HMGCL: variants seen among roughly 807,000 people sequenced by gnomAD.
HMGCL encodes the protein 3-hydroxy-3-methylglutaryl-CoA lyase, also known as hydroxymethylglutaryl-CoA lyase, mitochondrial.
Under a neutral mutation model 37.3 loss-of-function variants are expected in HMGCL, and 26 were observed. That is an observed-to-expected ratio of 0.70 (90% CI 0.51 to 0.97). HMGCL has a LOEUF of 0.97. Among genes scored for constraint, HMGCL ranks in the 50% least tolerant of loss-of-function variants. HMGCL has a pLI of 0.00. For synonymous variants in HMGCL, 151 were observed against 148.0 expected (o/e 1.02, Z -0.15); for missense variants, 379 against 398.1 (o/e 0.95, Z 0.41).
At chr1:23,824,286 A>G (rs1008252330) in intron 1 of HMGCL, among the ~76,000 whole-genome samples, 1 of 152,204 alleles carries the variant, frequency 6.6e-6, no homozygotes, top group African/African-American at 2.4e-5. Context: ...CACAATTAGA[A>G]AGTGACAGAG....
At chr1:23,821,603 G>A (rs1361097371) in intron 1 of HMGCL, among the ~76,000 whole-genome samples, 1 of 152,088 alleles carries the variant, frequency 6.6e-6, no homozygotes, top group Non-Finnish European at 1.5e-5. Context: ...AGCCTGCAGT[G>A]AGCTATGACT....
chr1:23,804,432 C>T lies in HMGCL; in HGVS notation c.844G>A (p.Val282Ile), dbSNP rs1368891366. 1 of 1,614,094 alleles carries T rather than the reference C, an allele frequency of 6.2e-7. No individual in the cohort carries two copies. The highest frequency in any genetic ancestry group is 8.5e-7 in the Non-Finnish European group (1 of 1,180,040). Residue 282 changes from valine (V) to isoleucine (I), a missense_variant, in exon 8 of 9, where the codon GTC becomes ATC. Val to Ile is a conservative substitution (Grantham distance 29, BLOSUM62 3). Transcript: ENST00000374490. ...ASGNLATEDL[V>I]YMLEGLGIHT... ...ATGCCCAAGCCCTCTAGCATGTAGA[C>T]CAGGTCTTCTGTGGCCAAGTTTCCT...
rs972610168 is a variant in HMGCL, at chr1:23,815,487, CT to C, written c.349-1150del. 1.4e-3 allele frequency among the ~76,000 whole-genome samples: 210 copies of C among 146,286 alleles called. 1 individual carries two copies. Among genetic ancestry groups the C allele is most frequent in the African/African-American group, 4.6e-3 (184 of 40,072 alleles). ...TAAGCCACCCAATTTGTAGTGCTTT[CT>C]TTTTTTTTTTCTTTTTTCTTTTTTT... On this transcript the variant is annotated intron_variant, in intron 4 of 8. Coordinates refer to ENST00000374490, the MANE Select transcript of HMGCL (RefSeq NM_000191.3).
rs1263437671 is a variant in HMGCL at position 23,820,518 on chromosome 1, T to C, written c.136A>G (p.Asn46Asp). ...CTCATTTCCAACTTTACCTTTTCAT[T>C]TTGTAGTCCATCTCGGGGACCAACT... ...VEVGPRDGLQ[N>D]EKNIVSTPVK... is the part of the protein sequence containing the mutation. The change falls in exon 2 of 9, where the codon AAT (asparagine) becomes GAT (aspartate). Residue 46 changes from asparagine (N) to aspartate (D), a missense_variant. Transcript: ENST00000374490. 1 of 1,613,278 alleles carries C rather than the reference T, an allele frequency of 6.2e-7. No homozygotes were observed. The highest frequency in any genetic ancestry group is 8.5e-7 in the Non-Finnish European group (1 of 1,179,186).
chr1:23,802,374 C>T lies in HMGCL; in HGVS notation c.*89G>A, dbSNP rs981013553. ...CTATGAGGTACCTGCACCATTTAAC[C>T]TATTCTCATTTCCATGTCCCCATCC... On this transcript the variant is annotated 3_prime_UTR_variant, in exon 9 of 9. Transcript: ENST00000374490. 2.3e-6 allele frequency: 2 copies of T among 868,858 alleles called. No homozygotes were observed. Among genetic ancestry groups the T allele is most frequent in the Non-Finnish European group, 4.0e-6 (2 of 502,452 alleles). The allele number at this position is 868,858 out of a possible 1,614,324, so 53.8% of individuals were successfully genotyped here.
chr1:23,810,918 C>T (rs1025055652), intron 5 of HMGCL, 119 bp from the exon 6 acceptor site: 125 of 778,320 alleles, frequency 1.6e-4, no homozygotes, highest in African/African-American at 2.4e-4. Flanking sequence ...TGCAGCTGGG[C>T]GGAGTAAGGG....
At chr1:23,809,199 C>G (rs1176994505) in intron 6 of HMGCL, 3 of 145,472 alleles carry the variant, frequency 2.1e-5, no homozygotes, top group Non-Finnish European at 4.5e-5. Context: ...AGCCACCATA[C>G]CCGGCCAATC....
In HMGCL at chr1:23,810,731, C is replaced by T. The variant is rs1638505616; in HGVS notation, c.561+5G>A. 1 of 1,613,680 alleles carries T rather than the reference C, an allele frequency of 6.2e-7. No homozygotes were observed. Among genetic ancestry groups the T allele is most frequent in the African/African-American group, 1.3e-5 (1 of 74,906 alleles). ...CAAACCCCCCGCCCTGACACATGCA[C>T]ACACCTCAGCTACTTTAGCTGGGGA... On this transcript the variant is annotated splice_donor_5th_base_variant and intron_variant, in intron 6 of 8. Coordinates refer to ENST00000374490, the MANE Select transcript of HMGCL (RefSeq NM_000191.3).
intron 4 of HMGCL, among the ~76,000 whole-genome samples, chr1:23,814,598 T>G (rs1035771492): frequency 5.3e-5 from 8 of 152,146 alleles, no homozygotes; most frequent in Non-Finnish European, 7.3e-5. Flanking sequence ...TTCGAACTCC[T>G]GACCTTGTGA....
chr1:23,820,588 G>T lies in HMGCL; in HGVS notation c.66C>A (p.Ser22Arg), dbSNP rs1638701054. The part of the protein sequence containing the change: ...LVGLASLRAV[S>R]TSSMGTLPKR... ...TTGGTAAAGTGCCCATAGATGAGGTGCTGACCTTTGGTTTAAAAGAGGAAA... is the reference window on the plus strand; with the variant it reads ...TTGGTAAAGTGCCCATAGATGAGGTTCTGACCTTTGGTTTAAAAGAGGAAA... Residue 22 changes from serine (S) to arginine (R), a missense_variant, in exon 2 of 9, where the codon AGC becomes AGA. Coordinates refer to ENST00000374490, the MANE Select transcript of HMGCL (RefSeq NM_000191.3). 6.2e-7 allele frequency: 1 copy of T among 1,613,240 alleles called. No individual in the cohort carries two copies. Among genetic ancestry groups the T allele is most frequent in the Admixed American group, 1.7e-5 (1 of 59,994 alleles).
At chr1:23,819,032 A>G (rs866204119) in intron 2 of HMGCL, among the ~76,000 whole-genome samples, 21 of 149,002 alleles carry the variant, frequency 1.4e-4, no homozygotes, top group Admixed American at 3.4e-4. Context: ...AAAAAAAAAA[A>G]AGAGAAAAAG....
At chr1:23,820,431 C>T (rs1011823569) in intron 2 of HMGCL, 79 bp downstream of exon 2, 1 of 977,192 alleles carries the variant, frequency 1.0e-6, no homozygotes, top group Non-Finnish European at 1.7e-6. Flanking sequence ...GCTCTGTCAA[C>T]TGCCATTGCA....
intron 2 of HMGCL, among the ~76,000 whole-genome samples, chr1:23,819,006 TAAAAA>T (rs11371330): frequency 7.0e-5 from 3 of 43,142 alleles, no homozygotes; most frequent in South Asian, 1.4e-3. Flanking sequence ...ATGGACGTGC[TAAAAA>T]AAAAAAAAAA....
intron 5 of HMGCL, among the ~76,000 whole-genome samples, chr1:23,813,424 C>T (rs551128219): frequency 1.3e-5 from 2 of 151,480 alleles, no homozygotes; most frequent in African/African-American, 4.8e-5. Flanking sequence ...TCCACTACCA[C>T]GCCCAGCTAA....
At chr1:23,822,568 C>T (rs1017096231) in intron 1 of HMGCL, among the ~76,000 whole-genome samples, 1 of 152,112 alleles carries the variant, frequency 6.6e-6, no homozygotes, top group African/African-American at 2.4e-5. Context: ...CCAGGAATTC[C>T]CTGCTAGGAA....
At chr1:23,805,326 C>A (rs904425459) in intron 7 of HMGCL, among the ~76,000 whole-genome samples, 1 of 152,202 alleles carries the variant, frequency 6.6e-6, no homozygotes. Context: ...TGCGATCTCT[C>A]CCATCTTTTA....
rs1454049133 is a variant in HMGCL, at chr1:23,823,314, A to C, written c.60+2042T>G. The stretch of plus-strand genomic sequence containing the variant: ...TAATAATTCAGTTTTTAAACACTTA[A>C]TATTTGCCAGGCACATACAAGAGCC... On this transcript the variant is annotated intron_variant, in intron 1 of 8. Coordinates refer to ENST00000374490, the MANE Select transcript of HMGCL (RefSeq NM_000191.3). 4.0e-5 allele frequency among the ~76,000 whole-genome samples: 6 copies of C among 151,864 alleles called. No individual in the cohort carries two copies. In the East Asian group the frequency reaches 1.2e-3, roughly 29 times the overall value.
intron 4 of HMGCL, among the ~76,000 whole-genome samples, chr1:23,814,566 T>C (rs1638580017): frequency 6.6e-6 from 1 of 152,126 alleles, no homozygotes; most frequent in Admixed American, 6.6e-5. Flanking sequence ...AGACAGCGTT[T>C]CACCATGTTG....
chr1:23,824,058 C>G (rs1166870633), intron 1 of HMGCL, among the ~76,000 whole-genome samples: 1 of 152,152 alleles, frequency 6.6e-6, no homozygotes, highest in African/African-American at 2.4e-5. Context: ...CAGTCTTCTC[C>G]TGGTTAAACA....
Sources: gnomAD v4.1 joint callset for allele counts (sites outside exome capture counted in the v4.1 genomes callset) on GRCh38, gnomAD v4.1.1 for gene constraint, MANE v1.5 for transcripts, NCBI Gene and HGNC (gene_info 2026-07-23, HGNC 2026-07-21) for gene names.